The following PCDHGA5 variants were observed in gnomAD, a reference collection of about 807,000 sequenced individuals.
The protein encoded by PCDHGA5 is protocadherin gamma-A5.
PCDHGA5 carries 36 observed loss-of-function variants against 56.7 expected under a neutral mutation model. That is an observed-to-expected ratio of 0.64 (90% CI 0.49 to 0.84). The LOEUF (loss-of-function observed/expected upper bound fraction) is 0.84. Among genes scored for constraint, PCDHGA5 ranks in the 40% least tolerant of loss-of-function variants. PCDHGA5 has a pLI of 0.00. For synonymous variants in PCDHGA5, 563 were observed against 520.2 expected, an observed-to-expected ratio of 1.08 and a Z score of -1.12; for missense variants, 1,305 against 1,201.5, an observed-to-expected ratio of 1.09 and a Z score of -1.27.
chr5:141,389,322 G>C lies in PCDHGA5; in HGVS notation c.2421+22571G>C, dbSNP rs752301649. ...AGTCAGGGCTTCTGATCCGGACTTG[G>C]GGCCCAACGGCCAAGTCTCTTACTG... On this transcript the variant is annotated intron_variant, in intron 1 of 3. Transcript: ENST00000518069. 2 of 1,613,984 alleles carry C rather than the reference G, an allele frequency of 1.2e-6. No homozygotes were observed. Among genetic ancestry groups the C allele is most frequent in the East Asian group, 2.2e-5 (1 of 44,880 alleles).
chr5:141,413,302 T>C (rs746274089), intron 1 of PCDHGA5: 2 of 1,613,960 alleles, frequency 1.2e-6, no homozygotes, highest in Non-Finnish European at 8.5e-7. Context: ...TCCTGAGGAA[T>C]TAGAGAAAGG....
At chr5:141,374,286 C>G (rs778269128) in intron 1 of PCDHGA5, 1 of 1,613,980 alleles carries the variant, frequency 6.2e-7, no homozygotes, top group East Asian at 2.2e-5. Flanking sequence ...CGCATCGTCT[C>G]CAGAGGTAGG....
chr5:141,383,466 T>G (rs1469908164), intron 1 of PCDHGA5: 1 of 1,613,798 alleles, frequency 6.2e-7, no homozygotes, highest in South Asian at 1.1e-5. Context: ...ACGATGAAAC[T>G]AAGTACCCGG....
chr5:141,383,537 C>G, intron 1 of PCDHGA5: 2 of 1,612,570 alleles, frequency 1.2e-6, no homozygotes, highest in Non-Finnish European at 1.7e-6. Context: ...CTGGTCCTCA[C>G]AGCCTCTGAT....
chr5:141,418,928 A>G, intron 1 of PCDHGA5: 1 of 1,613,978 alleles, frequency 6.2e-7, no homozygotes, highest in Non-Finnish European at 8.5e-7. Context: ...TGATCAGATT[A>G]TGGAGGATTC....
chr5:141,483,589 G>A (rs189449393), intron 1 of PCDHGA5, among the ~76,000 whole-genome samples: 17 of 152,214 alleles, frequency 1.1e-4, no homozygotes, highest in Admixed American at 1.1e-3. Context: ...ACACCTAATA[G>A]GTCAGGCTGG....
At chr5:141,406,515 T>C (rs2094818414) in intron 1 of PCDHGA5, among the ~76,000 whole-genome samples, 1 of 152,234 alleles carries the variant, frequency 6.6e-6, no homozygotes, top group Non-Finnish European at 1.5e-5. Context: ...TGTTTGTGTT[T>C]ACAGATATTT....
chr5:141,509,787 TCTC>T (rs2099878266), intron 3 of PCDHGA5, among the ~76,000 whole-genome samples: 1 of 152,132 alleles, frequency 6.6e-6, no homozygotes, highest in Non-Finnish European at 1.5e-5. Context: ...GAGATCATCA[TCTC>T]CTCAGCTTCA....
intron 1 of PCDHGA5, among the ~76,000 whole-genome samples, chr5:141,380,453 A>T (rs1776506198): frequency 6.6e-6 from 1 of 152,216 alleles, no homozygotes; most frequent in Non-Finnish European, 1.5e-5. Context: ...TTTTAATGCA[A>T]CCAAACAAAT....
chr5:141,404,718 C>G (rs747745561), intron 1 of PCDHGA5: 1 of 1,614,072 alleles, frequency 6.2e-7, no homozygotes, highest in Admixed American at 1.7e-5. Context: ...TACCTGGTGA[C>G]CAAGGTGGTG....
At chr5:141,419,972 C>T (rs534128024) in intron 1 of PCDHGA5, 3 of 1,613,948 alleles carry the variant, frequency 1.9e-6, no homozygotes, top group South Asian at 1.1e-5. Flanking sequence ...GCTCTTTCTC[C>T]TCGCGGTGAT....
At chr5:141,461,225 T>C (rs1157429654) in intron 1 of PCDHGA5, among the ~76,000 whole-genome samples, 3 of 152,162 alleles carry the variant, frequency 2.0e-5, no homozygotes, top group African/African-American at 7.2e-5. Flanking sequence ...CTGTTTTCCA[T>C]AGAGGTTGTA....
rs2097549501 is a variant in PCDHGA5 at position 141,432,920 on chromosome 5, A to T, written c.2422-61887A>T. ...GGCGCTCAGGCTGCGGCGCTGGCAC[A>T]AGTCACGCCTGCTGCAGGCTTCAGG... On this transcript the variant is annotated intron_variant, in intron 1 of 3. Transcript: ENST00000518069. The surrounding 1 kb of genome is among the most constrained non-coding windows in gnomAD (Gnocchi z 6.0). 1 of 1,614,022 alleles carries T rather than the reference A, an allele frequency of 6.2e-7. No homozygotes were observed.
At chr5:141,389,605 A>T in intron 1 of PCDHGA5, 1 of 1,613,092 alleles carries the variant, frequency 6.2e-7, no homozygotes, top group Non-Finnish European at 8.5e-7. Context: ...GCGCTCTTCG[A>T]TATGGTGCCG....
At chr5:141,383,797 G>C in intron 1 of PCDHGA5, 1 of 1,613,964 alleles carries the variant, frequency 6.2e-7, no homozygotes, top group Non-Finnish European at 8.5e-7. Context: ...GCTTACAGGA[G>C]AAATATCAAC....
intron 1 of PCDHGA5, among the ~76,000 whole-genome samples, chr5:141,462,483 G>T (rs1402125086): frequency 2.0e-5 from 3 of 151,986 alleles, no homozygotes; most frequent in African/African-American, 7.3e-5. Context: ...TCTCGTGGTT[G>T]TTGTATCCTA....
At chr5:141,460,666 C>G (rs1245201344) in intron 1 of PCDHGA5, among the ~76,000 whole-genome samples, 1 of 151,670 alleles carries the variant, frequency 6.6e-6, no homozygotes, top group South Asian at 2.1e-4. Context: ...ACTGTAAACA[C>G]AGTTATATAT....
At chr5:141,371,198 CATGG>C in intron 1 of PCDHGA5, 3 of 1,614,008 alleles carry the variant, frequency 1.9e-6, no homozygotes, top group Non-Finnish European at 2.5e-6. Flanking sequence ...TGGCCATTGA[CATGG>C]ATGAGGGCAT....
chr5:141,387,491 A>C (rs1049616816), intron 1 of PCDHGA5, among the ~76,000 whole-genome samples: 1 of 152,240 alleles, frequency 6.6e-6, no homozygotes, highest in African/African-American at 2.4e-5. Flanking sequence ...GGCATTCCTA[A>C]GAGTACATTT....
Sources: allele counts gnomAD v4.1 joint callset (sites outside exome capture counted in the v4.1 genomes callset), GRCh38; gene constraint gnomAD v4.1.1; non-coding constraint Gnocchi (gnomAD v3.1); transcripts MANE v1.5; gene names NCBI Gene and HGNC (gene_info 2026-07-23, HGNC 2026-07-21).